The following RARB variants were observed in gnomAD, a reference collection of about 807,000 sequenced individuals.
The protein encoded by RARB is HBV-activated protein.
Under a neutral mutation model 51.9 loss-of-function variants are expected in RARB, and 17 were observed. The observed-to-expected ratio is 0.33, with a 90% CI of 0.22 to 0.49. The LOEUF is 0.49. Ranked by LOEUF, RARB falls within the 20% of genes least tolerant of loss-of-function variation. The pLI, the probability that RARB is intolerant of heterozygous loss-of-function variation, is 0.99. For synonymous variants in RARB, 215 were observed against 195.4 expected (o/e 1.10, Z -0.84); for missense variants, 369 against 550.8 (o/e 0.67, Z 3.30).
At chr3:25,196,581 C>T (rs577198295) in intron 5 of RARB, among the ~76,000 whole-genome samples, 3 of 152,128 alleles carry the variant, frequency 2.0e-5, no homozygotes, top group South Asian at 4.1e-4. Flanking sequence ...TTTGGGTATA[C>T]ACCCAGTAAT....
chr3:24,921,114 A>G (rs1695207954), intron 2 of RARB, among the ~76,000 whole-genome samples: 1 of 152,170 alleles, frequency 6.6e-6, no homozygotes, highest in Non-Finnish European at 1.5e-5. Context: ...CTTAACTAGT[A>G]TATGCTGAAA....
At chr3:25,298,877 G>A (rs1703977310) in intron 5 of RARB, among the ~76,000 whole-genome samples, 1 of 152,104 alleles carries the variant, frequency 6.6e-6, no homozygotes. Context: ...GTGGGGTTGG[G>A]AGCCAGATGT....
chr3:25,062,143 C>G, intron 3 of RARB, among the ~76,000 whole-genome samples: 1 of 151,268 alleles, frequency 6.6e-6, no homozygotes, highest in Non-Finnish European at 1.5e-5. Flanking sequence ...TCAATAAATC[C>G]ATTAAAATAA....
At chr3:25,141,375 T>C (rs1700104138) in intron 4 of RARB, among the ~76,000 whole-genome samples, 1 of 152,150 alleles carries the variant, frequency 6.6e-6, no homozygotes, top group African/African-American at 2.4e-5. Flanking sequence ...CTTAACTCTA[T>C]GTCTTCAGTG....
At chr3:25,484,065 A>G (rs1696356485) in intron 2 of RARB, among the ~76,000 whole-genome samples, 1 of 152,240 alleles carries the variant, frequency 6.6e-6, no homozygotes, top group Non-Finnish European at 1.5e-5. Flanking sequence ...TTAGTGAAGG[A>G]TGAGCTAAAT....
intron 5 of RARB, among the ~76,000 whole-genome samples, chr3:25,385,850 A>G (rs1216906994): frequency 1.3e-5 from 2 of 152,144 alleles, no homozygotes; most frequent in Non-Finnish European, 2.9e-5. Flanking sequence ...TAGTCTAGGC[A>G]AGCACGTGAC....
At chr3:25,028,308 C>T in intron 2 of RARB, among the ~76,000 whole-genome samples, 1 of 152,180 alleles carries the variant, frequency 6.6e-6, no homozygotes, top group East Asian at 1.9e-4. Flanking sequence ...TGACCAGAAG[C>T]TCTGCCATAG....
intron 5 of RARB, among the ~76,000 whole-genome samples, chr3:25,191,192 A>G (rs1364216707): frequency 6.6e-6 from 1 of 152,104 alleles, no homozygotes; most frequent in Non-Finnish European, 1.5e-5. Flanking sequence ...AAGCAAACAT[A>G]TTTCTTATAT....
intron 3 of RARB, among the ~76,000 whole-genome samples, chr3:25,118,770 C>T (rs1166812667): frequency 1.3e-5 from 2 of 152,074 alleles, no homozygotes; most frequent in Admixed American, 6.6e-5. Flanking sequence ...GGAGTAGACC[C>T]AGGCAACACA....
Position 25,428,777 on chromosome 3 carries a change from C to G in RARB, c.46C>G (p.Leu16Val), listed in dbSNP as rs201424655. ...TCTGTCAGTGAGTCCTGGGCAAATCCTGGATTTCTACACTGCGAGTCCGTC... is the reference window on the plus strand; with the variant it reads ...TCTGTCAGTGAGTCCTGGGCAAATCGTGGATTTCTACACTGCGAGTCCGTC... Reference protein sequence around the residue: ...DVLSVSPGQILDFYTASPSSC... With the variant: ...DVLSVSPGQIVDFYTASPSSC... Residue 16 changes from leucine to valine, a missense_variant, in exon 1 of 8, where the codon CTG becomes GTG. Transcript: ENST00000330688. The G allele has an allele frequency of 1.9e-6, 3 of 1,614,074 alleles. No homozygotes were observed. The Admixed American group carries it at 5.0e-5, about 27-fold the overall frequency.
intron 1 of RARB, among the ~76,000 whole-genome samples, chr3:24,848,304 G>T (rs986663003): frequency 1.3e-5 from 2 of 152,152 alleles, no homozygotes; most frequent in African/African-American, 4.8e-5. Flanking sequence ...CAAGTGATCT[G>T]CATGCCTCGG....
chr3:24,943,412 C>A (rs1382828410), intron 2 of RARB, among the ~76,000 whole-genome samples: 2 of 152,156 alleles, frequency 1.3e-5, no homozygotes, highest in Admixed American at 1.3e-4. Context: ...TGAATCCATA[C>A]CCCTTTAGGT....
At chr3:24,941,989 G>A (rs1695677976) in intron 2 of RARB, among the ~76,000 whole-genome samples, 1 of 152,202 alleles carries the variant, frequency 6.6e-6, no homozygotes, top group African/African-American at 2.4e-5. Context: ...TCCCCTCAGA[G>A]GGAAGAAGTA....
chr3:25,039,509 G>A (rs994855633), intron 2 of RARB, among the ~76,000 whole-genome samples: 2 of 152,170 alleles, frequency 1.3e-5, no homozygotes, highest in African/African-American at 2.4e-5. Flanking sequence ...TAGGGCCACG[G>A]TAGTGAGGAG....
chr3:25,535,558 C>T (rs956194499), intron 3 of RARB, among the ~76,000 whole-genome samples: 1 of 152,144 alleles, frequency 6.6e-6, no homozygotes, highest in African/African-American at 2.4e-5. Context: ...TATCCATCCT[C>T]TAGCCCCCCA....
Position 25,342,676 on chromosome 3 carries a change from T to C in RARB, c.179-118517T>C, listed in dbSNP as rs1414678564. Among the ~76,000 whole-genome samples the C allele has an allele frequency of 5.3e-5, 8 of 152,214 alleles. No individual in the cohort carries two copies. The East Asian group carries it at 1.3e-3, about 26-fold the overall frequency. ...TAACCCACCTCTATTTAAGCCACTG[T>C]AATTAGGTTTTCTCTTACCTGCAGC... On this transcript the variant is annotated intron_variant, in intron 5 of 11. Coordinates refer to the RARB transcript ENST00000383772.
chr3:25,081,104 T>C (rs2125312882), intron 3 of RARB, among the ~76,000 whole-genome samples: 2 of 152,280 alleles, frequency 1.3e-5, no homozygotes, highest in East Asian at 3.9e-4. Flanking sequence ...AGTTTTCCTA[T>C]GAGCACTGTC....
At chr3:25,200,348 T>G (rs2125370105) in intron 5 of RARB, among the ~76,000 whole-genome samples, 1 of 152,162 alleles carries the variant, frequency 6.6e-6, no homozygotes, top group South Asian at 2.1e-4. Context: ...ATTAGCCCTT[T>G]GTCAGATAAG....
intron 5 of RARB, among the ~76,000 whole-genome samples, chr3:25,180,655 G>A (rs755473974): frequency 3.9e-4 from 59 of 152,194 alleles, no homozygotes; most frequent in African/African-American, 1.4e-3. Flanking sequence ...TGTCACTGAC[G>A]TGATGCAGCG....
Sources: gnomAD v4.1 joint callset for allele counts (sites outside exome capture counted in the v4.1 genomes callset) on GRCh38, gnomAD v4.1.1 for gene constraint, MANE v1.5 for transcripts, NCBI Gene and HGNC (gene_info 2026-07-23, HGNC 2026-07-21) for gene names.